MTSS1: variants seen among roughly 807,000 people sequenced by gnomAD.
The protein encoded by MTSS1 is MTSS I-BAR domain containing 1.
In MTSS1, 18 loss-of-function variants were observed where a neutral mutation model predicts 79.0. The observed-to-expected ratio is 0.23, with a 90% confidence interval of 0.16 to 0.34. The LOEUF is 0.34. Among genes scored for constraint, MTSS1 ranks in the 10% least tolerant of loss-of-function variants. The pLI is 1.00. For missense variants in MTSS1, 815 were observed against 986.2 expected, an observed-to-expected ratio of 0.83 and a Z score of 2.33; for synonymous variants, 341 against 368.6, an observed-to-expected ratio of 0.93 and a Z score of 0.86.
chr8:124,693,081 G>A (rs1037950105), intron 3 of MTSS1, among the ~76,000 whole-genome samples: 1 of 152,040 alleles, frequency 6.6e-6, no homozygotes, highest in Non-Finnish European at 1.5e-5. Flanking sequence ...TAAACTCCTG[G>A]GAGACAAGCA....
chr8:124,708,595 C>G (rs1587920841), intron 1 of MTSS1, among the ~76,000 whole-genome samples: 2 of 152,168 alleles, frequency 1.3e-5, no homozygotes, highest in East Asian at 3.9e-4. Flanking sequence ...GTACTCAACC[C>G]TGAGATGAGT....
intron 3 of MTSS1, among the ~76,000 whole-genome samples, chr8:124,663,110 G>A (rs550134001): frequency 7.9e-5 from 12 of 152,216 alleles, no homozygotes; most frequent in East Asian, 3.9e-4. Flanking sequence ...TTCTGGAGCC[G>A]AAATGGGCAA....
chr8:124,728,163 A>T lies in MTSS1; in HGVS notation c.-208T>A, dbSNP rs1834010956. 1 of 467,800 alleles carries T rather than the reference A, an allele frequency of 2.1e-6. No individual in the cohort carries two copies. Among genetic ancestry groups the T allele is most frequent in the South Asian group, 3.0e-5 (1 of 33,152 alleles). The allele number at this position is 467,800 out of a possible 1,614,324, so 29.0% of individuals were successfully genotyped here. A position where few individuals can be genotyped will look rare whatever the true frequency, so the allele number is the denominator to read the frequency against. ...AATTTAAAAAGCCAAACCGCTCTGT[A>T]GGGTATTCGCCTACAAGCAGCGCTC... is the stretch of plus-strand genomic sequence containing the variant. On this transcript the variant is annotated 5_prime_UTR_variant, in exon 1 of 14. Transcript: ENST00000518547. The surrounding 1 kb of genome is among the most constrained non-coding windows in gnomAD (Gnocchi z 6.1).
In MTSS1 at chr8:124,582,673, C is replaced by T. The variant is rs1830252366; in HGVS notation, c.460+2414G>A. On this transcript the variant is annotated intron_variant, in intron 6 of 13. Transcript: ENST00000518547. The surrounding 1 kb of genome is among the most constrained non-coding windows in gnomAD (Gnocchi z 4.8). ...TCATCCATCCGAACGCGTGGTGCGT[C>T]AGAAGGAACTGCTAACACTTTTACA... 1.3e-5 allele frequency among the ~76,000 whole-genome samples: 2 copies of T among 152,106 alleles called. No individual in the cohort carries two copies. The highest frequency in any genetic ancestry group is 2.9e-5 in the Non-Finnish European group (2 of 68,024).
chr8:124,692,687 A>G (rs2135265788), intron 3 of MTSS1, among the ~76,000 whole-genome samples: 1 of 152,250 alleles, frequency 6.6e-6, no homozygotes, highest in East Asian at 1.9e-4. Flanking sequence ...ACTTGACCTC[A>G]GGGAGGGGTC....
At chr8:124,707,116 T>C (rs1421667078) in intron 1 of MTSS1, among the ~76,000 whole-genome samples, 1 of 152,030 alleles carries the variant, frequency 6.6e-6, no homozygotes, top group African/African-American at 2.4e-5. Context: ...CTCACCTACT[T>C]CTAGGCAAAG....
In MTSS1 at chr8:124,711,045, C is replaced by A. The variant is rs187190626; in HGVS notation, c.73-6854G>T. Among the ~76,000 whole-genome samples the A allele has an allele frequency of 3.4e-4, 52 of 152,314 alleles. 1 individual carries two copies. The East Asian group carries it at 7.5e-3, about 22-fold the overall frequency. ...AGAAATCAAGCCGTGGGGTATATGACCAGCCAGGTAACTTCCCAAGTATCT... is the reference window on the plus strand; with the variant it reads ...AGAAATCAAGCCGTGGGGTATATGAACAGCCAGGTAACTTCCCAAGTATCT... On this transcript the variant is annotated intron_variant, in intron 1 of 13. Coordinates refer to ENST00000518547, the MANE Select transcript of MTSS1 (RefSeq NM_014751.6).
chr8:124,656,510 G>A lies in MTSS1; in HGVS notation c.208+43016C>T, dbSNP rs530745624. ...ATGAAGGCTGGGCACAGTGGCTCACGCCTGTAATCCCAGCACTTTGGGAAG... is the reference window on the plus strand; with the variant it reads ...ATGAAGGCTGGGCACAGTGGCTCACACCTGTAATCCCAGCACTTTGGGAAG... On this transcript the variant is annotated intron_variant, in intron 3 of 13. Coordinates refer to ENST00000518547, the MANE Select transcript of MTSS1 (RefSeq NM_014751.6). 1.8e-3 allele frequency among the ~76,000 whole-genome samples: 266 copies of A among 150,076 alleles called. 1 individual carries two copies. The highest frequency in any genetic ancestry group is 6.3e-3 in the African/African-American group (256 of 40,716).
intron 1 of MTSS1, among the ~76,000 whole-genome samples, chr8:124,709,694 C>T (rs956656014): frequency 6.6e-6 from 1 of 152,206 alleles, no homozygotes; most frequent in Non-Finnish European, 1.5e-5. Context: ...AGTTTGTTTA[C>T]AAGCGTGTAA....
chr8:124,563,054 A>C (rs1825685292), intron 9 of MTSS1, 62 bp from the exon 10 acceptor site: 1 of 1,417,958 alleles, frequency 7.1e-7, no homozygotes, highest in African/African-American at 1.4e-5. Flanking sequence ...GAGCAGTGGT[A>C]AGAGGAAGGA....
chr8:124,566,314 A>T (rs546711270), intron 8 of MTSS1: 19 of 153,084 alleles, frequency 1.2e-4, no homozygotes, highest in African/African-American at 4.1e-4. Flanking sequence ...TCCACCTTTC[A>T]TTCACATAAG....
chr8:124,588,185 A>T (rs1831203399), intron 5 of MTSS1, among the ~76,000 whole-genome samples: 1 of 152,174 alleles, frequency 6.6e-6, no homozygotes, highest in Non-Finnish European at 1.5e-5. Context: ...GATTTTCATG[A>T]TATAGCTTGA....
rs1834031265 is a variant in MTSS1, at chr8:124,728,375, C to T, written c.-420G>A. 6.5e-6 allele frequency: 1 copy of T among 152,700 alleles called. No homozygotes were observed. Among genetic ancestry groups the T allele is most frequent in the African/African-American group, 2.4e-5 (1 of 41,468 alleles). The allele number at this position is 152,700 out of a possible 1,614,324, so 9.5% of individuals were successfully genotyped here. A position where few individuals can be genotyped will look rare whatever the true frequency, so the allele number is the denominator to read the frequency against. ...CTGCAATTAAAAAAAAATCGCCCAA[C>T]AGCAGAGCGGGTCAGCTCGCGGCGT... On this transcript the variant is annotated 5_prime_UTR_variant, in exon 1 of 14. Transcript: ENST00000518547. The surrounding 1 kb of genome is among the most constrained non-coding windows in gnomAD (Gnocchi z 6.1).
chr8:124,707,087 T>C (rs893223450), intron 1 of MTSS1, among the ~76,000 whole-genome samples: 12 of 152,294 alleles, frequency 7.9e-5, no homozygotes, highest in East Asian at 1.9e-4. Context: ...CTGAGAAATC[T>C]GAGCATTCAG....
intron 3 of MTSS1, among the ~76,000 whole-genome samples, chr8:124,634,162 C>T (rs1003124558): frequency 6.6e-6 from 1 of 150,602 alleles, no homozygotes; most frequent in Non-Finnish European, 1.5e-5. Context: ...AGCTGGAGGA[C>T]AGTGATGTAA....
At chr8:124,646,931 C>A (rs985373043) in intron 3 of MTSS1, among the ~76,000 whole-genome samples, 3 of 152,144 alleles carry the variant, frequency 2.0e-5, no homozygotes, top group African/African-American at 4.8e-5. Context: ...GTCCTCCCAT[C>A]GAACTCTGGC....
intron 3 of MTSS1, among the ~76,000 whole-genome samples, chr8:124,656,086 T>A (rs1820883799): frequency 1.3e-5 from 2 of 152,244 alleles, no homozygotes; most frequent in Admixed American, 1.3e-4. Flanking sequence ...TCTGACTGTG[T>A]TAAGTCCTTT....
intron 3 of MTSS1, among the ~76,000 whole-genome samples, chr8:124,617,447 C>A (rs538760750): frequency 1.5e-3 from 224 of 152,334 alleles, no homozygotes; most frequent in African/African-American, 5.0e-3. Context: ...GAATTCAGTT[C>A]TTTCATTTCT....
intron 3 of MTSS1, among the ~76,000 whole-genome samples, chr8:124,653,994 A>G (rs1587607856): frequency 6.6e-6 from 1 of 152,152 alleles, no homozygotes; most frequent in Non-Finnish European, 1.5e-5. Flanking sequence ...CCTATCACAG[A>G]CTTCCATCAC....
Sources: gnomAD v4.1 joint callset for allele counts (sites outside exome capture counted in the v4.1 genomes callset) on GRCh38, gnomAD v4.1.1 for gene constraint, Gnocchi (gnomAD v3.1) non-coding constraint, MANE v1.5 for transcripts, NCBI Gene and HGNC (gene_info 2026-07-23, HGNC 2026-07-21) for gene names.